The following LHFPL3 variants were observed in gnomAD, a reference collection of about 807,000 sequenced individuals.
LHFPL3 encodes LHFPL tetraspan subfamily member 3.
In LHFPL3, 5 loss-of-function variants were observed where a neutral mutation model predicts 19.3. That is an observed-to-expected ratio of 0.26 (90% CI 0.14 to 0.54). LHFPL3 has a LOEUF of 0.54. LHFPL3 is among the 20% of genes least tolerant of loss of function. The pLI is 0.94. For missense variants in LHFPL3, 249 were observed against 307.4 expected, an observed-to-expected ratio of 0.81 and a Z score of 1.42; for synonymous variants, 133 against 126.2, an observed-to-expected ratio of 1.05 and a Z score of -0.36.
At chr7:104,692,704 G>A (rs1486785282) in intron 1 of LHFPL3, among the ~76,000 whole-genome samples, 4 of 152,214 alleles carry the variant, frequency 2.6e-5, no homozygotes, top group African/African-American at 9.7e-5. Flanking sequence ...TGAGGTTTGG[G>A]GACCTCTACC....
At chr7:104,795,239 A>C (rs1310183372) in intron 2 of LHFPL3, among the ~76,000 whole-genome samples, 4 of 152,176 alleles carry the variant, frequency 2.6e-5, no homozygotes, top group African/African-American at 9.7e-5. Flanking sequence ...ACATGAAGAG[A>C]AACAATGAAA....
chr7:104,430,432 A>ATATATACACG (rs1562895267), intron 1 of LHFPL3, among the ~76,000 whole-genome samples: 6 of 11,974 alleles, frequency 5.0e-4, no homozygotes, highest in Non-Finnish European at 5.4e-4. Context: ...ATATATATAT[A>ATATATACACG]TATATATATA....
chr7:104,510,387 G>A (rs146138269), intron 1 of LHFPL3, among the ~76,000 whole-genome samples: 2 of 152,076 alleles, frequency 1.3e-5, no homozygotes, highest in African/African-American at 4.8e-5. Context: ...CAGACACACA[G>A]ATCAATGGAA....
chr7:104,583,699 A>T (rs113074158), intron 1 of LHFPL3, among the ~76,000 whole-genome samples: 2 of 152,058 alleles, frequency 1.3e-5, no homozygotes, highest in African/African-American at 4.8e-5. Flanking sequence ...CAAAAAACAC[A>T]TGAAAAAATG....
At chr7:104,607,721 T>C (rs1240004765) in intron 1 of LHFPL3, among the ~76,000 whole-genome samples, 2 of 151,914 alleles carry the variant, frequency 1.3e-5, no homozygotes, top group Non-Finnish European at 2.9e-5. Context: ...ACCTACAAAA[T>C]GGGAGAAAAT....
Position 104,361,407 on chromosome 7 carries a change from T to A in LHFPL3, c.445+32183T>A, listed in dbSNP as rs556771280. Among the ~76,000 whole-genome samples the A allele has an allele frequency of 4.6e-5, 7 of 152,332 alleles. No homozygotes were observed. The South Asian group carries it at 1.5e-3, about 32-fold the overall frequency. Reference sequence around the variant, plus strand: ...AATTGTTGTACATTGTCAAGGTACATTCTAAATAGCATCTGGAAAATCTCT... The same window carrying A: ...AATTGTTGTACATTGTCAAGGTACAATCTAAATAGCATCTGGAAAATCTCT... On this transcript the variant is annotated intron_variant, in intron 1 of 2. Coordinates refer to ENST00000424859, the MANE Select transcript of LHFPL3 (RefSeq NM_199000.3).
At chr7:104,664,891 C>A (rs1325417883) in intron 1 of LHFPL3, among the ~76,000 whole-genome samples, 1 of 152,078 alleles carries the variant, frequency 6.6e-6, no homozygotes, top group Non-Finnish European at 1.5e-5. Context: ...AAATGTAGTC[C>A]CTGGCTGGAC....
At chr7:104,602,675 T>G (rs191529881) in intron 1 of LHFPL3, among the ~76,000 whole-genome samples, 8 of 152,336 alleles carry the variant, frequency 5.3e-5, no homozygotes, top group Non-Finnish European at 1.5e-5. Flanking sequence ...ATCACCGAAA[T>G]TTGTTGAAAG....
intron 1 of LHFPL3, among the ~76,000 whole-genome samples, chr7:104,437,291 C>A (rs1438002878): frequency 3.9e-5 from 6 of 152,162 alleles, no homozygotes; most frequent in Non-Finnish European, 5.9e-5. Context: ...ATATTAACTT[C>A]ATTGATGACT....
intron 1 of LHFPL3, among the ~76,000 whole-genome samples, chr7:104,573,348 G>GTTGCAGTGAGCCGAGA (rs1293558653): frequency 6.7e-6 from 1 of 149,516 alleles, no homozygotes; most frequent in African/African-American, 2.5e-5. Flanking sequence ...GGAGGCGGAG[G>GTTGCAGTGAGCCGAGA]TTGCAGTGAG....
intron 1 of LHFPL3, among the ~76,000 whole-genome samples, chr7:104,394,007 C>T (rs143357747): frequency 5.3e-4 from 81 of 152,146 alleles, no homozygotes; most frequent in African/African-American, 1.9e-3. Context: ...TGAGAAGGTT[C>T]TAAAATTATA....
intron 1 of LHFPL3, among the ~76,000 whole-genome samples, chr7:104,590,858 C>T (rs1030053625): frequency 4.3e-4 from 65 of 152,244 alleles, no homozygotes; most frequent in African/African-American, 1.5e-3. Flanking sequence ...ATCCCTTTAC[C>T]ATTATGTAAT....
At chr7:104,635,180 G>A (rs971348985) in intron 1 of LHFPL3, among the ~76,000 whole-genome samples, 1 of 151,976 alleles carries the variant, frequency 6.6e-6, no homozygotes, top group African/African-American at 2.4e-5. Context: ...GGGGGGAAAG[G>A]TAAGAAAATA....
intron 1 of LHFPL3, among the ~76,000 whole-genome samples, chr7:104,442,902 C>T (rs1288109846): frequency 6.6e-6 from 1 of 152,156 alleles, no homozygotes; most frequent in Non-Finnish European, 1.5e-5. Context: ...TGTATCCTAA[C>T]ATAGCTGCTT....
intron 1 of LHFPL3, among the ~76,000 whole-genome samples, chr7:104,394,310 G>T (rs1791140165): frequency 6.6e-6 from 1 of 152,124 alleles, no homozygotes. Flanking sequence ...TGTGCCTCTG[G>T]TCCTCAAATG....
chr7:104,601,344 A>G (rs76633971), intron 1 of LHFPL3, among the ~76,000 whole-genome samples: 3,119 of 152,224 alleles, frequency 0.02, 33 homozygotes, highest in Middle Eastern at 0.034. Context: ...ATTTATCTCT[A>G]TTTTATCCTT....
chr7:104,587,996 A>T (rs1342684797), intron 1 of LHFPL3, among the ~76,000 whole-genome samples: 2 of 151,922 alleles, frequency 1.3e-5, no homozygotes, highest in Non-Finnish European at 1.5e-5. Flanking sequence ...GTTTGAGTTC[A>T]TTGTAGATTC....
At chr7:104,409,568 A>T (rs140769359) in intron 1 of LHFPL3, among the ~76,000 whole-genome samples, 1,653 of 152,210 alleles carry the variant, frequency 0.011, 16 homozygotes, top group Middle Eastern at 0.017. Context: ...GTGAGCTGTG[A>T]CCATGCCACT....
Position 104,555,849 on chromosome 7 carries a change from T to G in LHFPL3, c.446-180826T>G, listed in dbSNP as rs1477970528. On this transcript the variant is annotated intron_variant, in intron 1 of 2. Transcript: ENST00000424859. Reference sequence around the variant, plus strand: ...TAAAATCAAAACCAAGTTAGTTACTTCCTAGATATAATGGGGGTACAGGCA... The same window carrying G: ...TAAAATCAAAACCAAGTTAGTTACTGCCTAGATATAATGGGGGTACAGGCA... Among the ~76,000 whole-genome samples the G allele has an allele frequency of 2.0e-5, 3 of 152,154 alleles. No individual in the cohort carries two copies. The East Asian group carries it at 5.8e-4, about 29-fold the overall frequency.
Sources: gnomAD v4.1 joint callset for allele counts (sites outside exome capture counted in the v4.1 genomes callset) on GRCh38, gnomAD v4.1.1 for gene constraint, MANE v1.5 for transcripts, NCBI Gene and HGNC (gene_info 2026-07-23, HGNC 2026-07-21) for gene names.